Variants in S100Z observed in about 807,000 individuals in gnomAD.
S100Z encodes the protein S100 calcium binding protein Z.
In S100Z, 11 loss-of-function variants were observed where a neutral mutation model predicts 8.5. The observed-to-expected ratio is 1.30, with a 90% CI of 0.82 to 2.15. The LOEUF is 2.15. Among genes scored for constraint, S100Z ranks in the 30% most tolerant of loss-of-function variants. S100Z has a pLI of 0.00. For synonymous variants in S100Z, 34 were observed against 43.8 expected (o/e 0.78, Z 0.89); for missense variants, 126 against 117.9 (o/e 1.07, Z -0.32).
rs1744898254 is a variant in S100Z at position 76,917,746 on chromosome 5, C to T, written c.*3-2971C>T. 4.6e-5 allele frequency among the ~76,000 whole-genome samples: 7 copies of T among 150,700 alleles called. No individual in the cohort carries two copies. The South Asian group carries it at 1.5e-3, about 31-fold the overall frequency. ...GCTGAGGCACAAGAATCACTTGAACCCAGAAAGTGGAGGTTGCAGTAAACC... is the reference window on the plus strand; with the variant it reads ...GCTGAGGCACAAGAATCACTTGAACTCAGAAAGTGGAGGTTGCAGTAAACC... On this transcript the variant is annotated intron_variant, in intron 4 of 4. Transcript: ENST00000317593.
At chr5:76,950,170 TC>T in the S100Z span, among the ~76,000 whole-genome samples, 1 of 152,202 alleles carries the variant, frequency 6.6e-6, no homozygotes, top group African/African-American at 2.4e-5. Context: ...AAAAGGAAGT[TC>T]ATCTAAAGCA....
intron 4 of S100Z, among the ~76,000 whole-genome samples, chr5:76,898,289 T>C (rs1045822689): frequency 1.2e-4 from 18 of 152,254 alleles, no homozygotes; most frequent in African/African-American, 4.1e-4. Context: ...TAGCTGGGAT[T>C]ACAAGCATGC....
Position 76,877,692 on chromosome 5 carries a change from TTGG to T in S100Z, c.162_164del (p.Leu54_Val55delinsPhe). 1.2e-6 allele frequency: 2 copies of T among 1,606,432 alleles called. No homozygotes were observed. The highest frequency in any genetic ancestry group is 1.7e-6 in the Non-Finnish European group (2 of 1,174,624). ...ATTTTAGTGCCAAAAGGAAACCCAG[TTGG>T]TTGATAAGATAGTGCAGGACCTGGA... On this transcript the variant is annotated inframe_deletion, in exon 4 of 5. Transcript: ENST00000317593.
At chr5:76,878,030 A>C (rs1050479412) in intron 4 of S100Z, 196 bp downstream of exon 4, 6 of 381,318 alleles carry the variant, frequency 1.6e-5, no homozygotes, top group African/African-American at 4.1e-5. Flanking sequence ...TCTAAATCTC[A>C]TATGCCCTAC....
intron 2 of S100Z, among the ~76,000 whole-genome samples, chr5:76,873,205 G>A (rs1743067646): frequency 2.0e-5 from 3 of 151,574 alleles, no homozygotes; most frequent in African/African-American, 2.4e-5. Context: ...ATTTACAAAG[G>A]GTAATTACTA....
At chr5:76,939,531 T>TA in the S100Z span, among the ~76,000 whole-genome samples, 2 of 150,552 alleles carry the variant, frequency 1.3e-5, no homozygotes, top group African/African-American at 4.9e-5. Flanking sequence ...TTTTTTTTTT[T>TA]AATGGAGTTT....
At chr5:76,896,624 C>T (rs1744046329) in intron 4 of S100Z, among the ~76,000 whole-genome samples, 1 of 152,178 alleles carries the variant, frequency 6.6e-6, no homozygotes, top group Non-Finnish European at 1.5e-5. Flanking sequence ...AACTGTTCTC[C>T]ACAGTAGTTG....
the S100Z span, among the ~76,000 whole-genome samples, chr5:76,942,207 G>A: frequency 1.3e-5 from 2 of 151,908 alleles, no homozygotes; most frequent in African/African-American, 4.8e-5. Flanking sequence ...CGCTTCCTGG[G>A]TTCAAGCAAT....
At chr5:76,870,574 A>T (rs1561227860) in intron 2 of S100Z, among the ~76,000 whole-genome samples, 1 of 152,026 alleles carries the variant, frequency 6.6e-6, no homozygotes. Context: ...AAGATTCCTG[A>T]GTAAAACTAG....
chr5:76,867,589 T>C (rs2150631186), intron 1 of S100Z, among the ~76,000 whole-genome samples: 1 of 151,804 alleles, frequency 6.6e-6, no homozygotes, highest in Admixed American at 6.6e-5. Context: ...CCTTACTTTT[T>C]TTTTTTCTTT....
chr5:76,854,805 A>C (rs1750835051), intron 1 of S100Z, among the ~76,000 whole-genome samples: 1 of 152,252 alleles, frequency 6.6e-6, no homozygotes, highest in Non-Finnish European at 1.5e-5. Flanking sequence ...CCTCAAAGGT[A>C]TTTCAGATAT....
In S100Z at chr5:76,921,146, A is replaced by G. The variant is rs1687868166; in HGVS notation, c.*432A>G. The stretch of plus-strand genomic sequence containing the variant: ...CCTAGGTCCATGTATCTATATATCT[A>G]TGGTTCATAAAAATGAGATTACACC... On this transcript the variant is annotated 3_prime_UTR_variant, in exon 5 of 5. Transcript: ENST00000317593. 1.3e-5 allele frequency: 2 copies of G among 152,304 alleles called. No homozygotes were observed. The highest frequency in any genetic ancestry group is 3.9e-4 in the East Asian group (2 of 5,192). 9.4% of individuals were successfully genotyped at this position (152,304 alleles called of 1,614,324 possible).
intron 4 of S100Z, among the ~76,000 whole-genome samples, chr5:76,891,518 C>T (rs1453645192): frequency 2.0e-5 from 3 of 152,148 alleles, no homozygotes; most frequent in African/African-American, 4.8e-5. Context: ...ATGTGAATCA[C>T]CTGGAAATCT....
intron 2 of S100Z, among the ~76,000 whole-genome samples, 195 bp downstream of exon 2, chr5:76,870,479 G>A (rs1014175253): frequency 8.5e-5 from 13 of 152,210 alleles, no homozygotes; most frequent in African/African-American, 3.1e-4. Flanking sequence ...GAAGCTGCGG[G>A]TGGAGCTACC....
intron 4 of S100Z, among the ~76,000 whole-genome samples, chr5:76,886,025 G>C (rs1164612322): frequency 6.9e-6 from 1 of 145,934 alleles, no homozygotes; most frequent in Admixed American, 6.8e-5. Flanking sequence ...AGAGAGAGTA[G>C]AGACACGGAG....
chr5:76,936,780 G>T, the S100Z span, among the ~76,000 whole-genome samples: 1 of 152,120 alleles, frequency 6.6e-6, no homozygotes, highest in African/African-American at 2.4e-5. Flanking sequence ...GCTGCTTTAG[G>T]CTGCAGAATC....
chr5:76,876,651 G>C (rs373440504), intron 3 of S100Z, among the ~76,000 whole-genome samples: 1 of 152,140 alleles, frequency 6.6e-6, no homozygotes, highest in Admixed American at 6.5e-5. Context: ...GATTACAGGC[G>C]TGAGCCACTG....
intron 4 of S100Z, among the ~76,000 whole-genome samples, chr5:76,920,130 G>A (rs573857688): frequency 2.0e-5 from 3 of 152,124 alleles, no homozygotes; most frequent in African/African-American, 7.2e-5. Flanking sequence ...GACTGGTCTC[G>A]AACTCCTGAC....
chr5:76,850,642 G>A (rs1750702520), intron 1 of S100Z, among the ~76,000 whole-genome samples: 1 of 152,140 alleles, frequency 6.6e-6, no homozygotes, highest in Non-Finnish European at 1.5e-5. Context: ...GGAAGTCACA[G>A]CAGTGGTCTA....
Sources: gnomAD v4.1 joint callset for allele counts (sites outside exome capture counted in the v4.1 genomes callset) on GRCh38, gnomAD v4.1.1 for gene constraint, MANE v1.5 for transcripts, NCBI Gene and HGNC (gene_info 2026-07-23, HGNC 2026-07-21) for gene names.